The following OXR1 variants were observed in gnomAD, a reference collection of about 807,000 sequenced individuals.
OXR1 encodes oxidation resistance 1.
A neutral mutation model predicts 104.6 loss-of-function variants in OXR1; 41 were observed. The observed-to-expected ratio is 0.39, with a 90% CI of 0.31 to 0.51. The LOEUF (loss-of-function observed/expected upper bound fraction) is 0.51, where lower values mean the gene tolerates loss of function less well. Among genes scored for constraint, OXR1 ranks in the 20% least tolerant of loss-of-function variants. OXR1 has a pLI of 0.77. For synonymous variants in OXR1, 348 were observed against 348.4 expected (o/e 1.00, Z 0.01); for missense variants, 955 against 1,031.9 (o/e 0.93, Z 1.02).
At chr8:106,568,946 G>A (rs1355789117) in intron 3 of OXR1, among the ~76,000 whole-genome samples, 1 of 152,104 alleles carries the variant, frequency 6.6e-6, no homozygotes, top group East Asian at 1.9e-4. Context: ...TATTTCTAAT[G>A]TAAGCATCAG....
At chr8:106,525,420 A>G (rs1813585351) in intron 3 of OXR1, among the ~76,000 whole-genome samples, 1 of 152,192 alleles carries the variant, frequency 6.6e-6, no homozygotes, top group African/African-American at 2.4e-5. Flanking sequence ...TAAACACCAC[A>G]ACGTGCTATC....
chr8:106,740,521 G>A, intron 14 of OXR1, 26 bp downstream of exon 14: 1 of 1,584,692 alleles, frequency 6.3e-7, no homozygotes, highest in South Asian at 1.1e-5. Context: ...TGCATAGATT[G>A]CTTATCCTTT....
chr8:106,601,101 A>G (rs1223864566), intron 3 of OXR1, among the ~76,000 whole-genome samples: 1 of 152,196 alleles, frequency 6.6e-6, no homozygotes, highest in Non-Finnish European at 1.5e-5. Flanking sequence ...AAGCCACTGA[A>G]GGATTTTAAG....
chr8:106,530,106 G>T (rs1813982895), intron 3 of OXR1, among the ~76,000 whole-genome samples: 2 of 152,144 alleles, frequency 1.3e-5, no homozygotes. Context: ...AACATTTATA[G>T]ATAGAACTAA....
chr8:106,553,671 C>A (rs1462076373), intron 3 of OXR1, among the ~76,000 whole-genome samples: 1 of 152,026 alleles, frequency 6.6e-6, no homozygotes, highest in Non-Finnish European at 1.5e-5. Context: ...TTAAAAATCA[C>A]CAAAACATTA....
chr8:106,315,318 A>G (rs1197776091), intron 1 of OXR1, among the ~76,000 whole-genome samples: 6 of 152,188 alleles, frequency 3.9e-5, no homozygotes, highest in African/African-American at 1.4e-4. Context: ...GCACAAAGCT[A>G]TCACATTTTT....
intron 7 of OXR1, chr8:106,697,422 G>A: frequency 6.7e-7 from 1 of 1,485,124 alleles, no homozygotes; most frequent in South Asian, 1.2e-5. Context: ...CCTGGGGTGG[G>A]ATCAAAGGAT....
At chr8:106,539,407 G>T (rs1814785660) in intron 3 of OXR1, among the ~76,000 whole-genome samples, 1 of 152,216 alleles carries the variant, frequency 6.6e-6, no homozygotes, top group Non-Finnish European at 1.5e-5. Flanking sequence ...GGGGAATTGT[G>T]TGTGTCTGTG....
chr8:106,736,423 C>T (rs1038821037), intron 11 of OXR1, among the ~76,000 whole-genome samples: 1 of 152,104 alleles, frequency 6.6e-6, no homozygotes, highest in Non-Finnish European at 1.5e-5. Flanking sequence ...AAATAAAAAG[C>T]CTTTAAAACC....
chr8:106,382,486 G>T (rs1378672181), intron 2 of OXR1, among the ~76,000 whole-genome samples: 7 of 152,044 alleles, frequency 4.6e-5, no homozygotes. Context: ...CATTGATCTA[G>T]AGCTGCTTGT....
At chr8:106,556,871 T>G (rs1385817677) in intron 3 of OXR1, among the ~76,000 whole-genome samples, 1 of 152,190 alleles carries the variant, frequency 6.6e-6, no homozygotes, top group Middle Eastern at 3.2e-3. Flanking sequence ...CTCACTGTGT[T>G]TCCTAACAGC....
intron 1 of OXR1, among the ~76,000 whole-genome samples, chr8:106,312,026 T>A (rs1503558): frequency 0.083 from 12,615 of 151,840 alleles, 607 homozygotes; most frequent in African/African-American, 0.12. Flanking sequence ...CACAGACCTT[T>A]TTTTCACTTG....
In OXR1 at chr8:106,506,790, A is replaced by G. The variant is rs1452920167; in HGVS notation, c.24-12153A>G. The stretch of plus-strand genomic sequence containing the variant: ...AAAATTACAAAATATTTAGAGGTCG[A>G]ATAGAAAATGAGGACTTGGGTCAGG... On this transcript the variant is annotated intron_variant, in intron 2 of 16. Coordinates refer to ENST00000517566, the MANE Select transcript of OXR1 (RefSeq NM_001198533.2). 1.4e-4 allele frequency among the ~76,000 whole-genome samples: 21 copies of G among 152,098 alleles called. 1 individual carries two copies. The highest frequency in any genetic ancestry group is 1.3e-4 in the Non-Finnish European group (9 of 67,998).
chr8:106,418,353 G>T (rs1818763574), intron 2 of OXR1, among the ~76,000 whole-genome samples: 1 of 151,968 alleles, frequency 6.6e-6, no homozygotes, highest in African/African-American at 2.4e-5. Flanking sequence ...CCTCCTTTCT[G>T]TATATTTCAT....
intron 2 of OXR1, among the ~76,000 whole-genome samples, chr8:106,517,138 G>A (rs1812910284): frequency 1.3e-5 from 2 of 152,104 alleles, no homozygotes; most frequent in Middle Eastern, 3.2e-3. Flanking sequence ...GGTACCCAGT[G>A]CCCAGATCAG....
At chr8:106,330,236 A>C (rs1814653620) in intron 1 of OXR1, among the ~76,000 whole-genome samples, 1 of 152,222 alleles carries the variant, frequency 6.6e-6, no homozygotes, top group African/African-American at 2.4e-5. Context: ...ATACTGCTGG[A>C]TGAGGACAAC....
Position 106,684,276 on chromosome 8 carries a change from T to G in OXR1, c.442T>G (p.Ser148Ala), listed in dbSNP as rs1437365018. 6.2e-7 allele frequency: 1 copy of G among 1,603,684 alleles called. No individual in the cohort carries two copies. Among genetic ancestry groups the G allele is most frequent in the Non-Finnish European group, 8.5e-7 (1 of 1,170,776 alleles). ...GTATGTTCCTGATCCTGAATATGTCTCCAGTGTTGAGAGCTCTCCATCTCT... is the reference window on the plus strand; with the variant it reads ...GTATGTTCCTGATCCTGAATATGTCGCCAGTGTTGAGAGCTCTCCATCTCT... ...VLYVPDPEYV[S>A]SVESSPSLSP... is the part of the protein sequence containing the mutation. The change falls in exon 6 of 17, where the codon TCC becomes GCC. Residue 148 changes from serine to alanine, a missense_variant. By Grantham distance (99) the Ser-to-Ala change is moderately conservative. This residue lies in a region of OXR1 where 849 missense variants were observed against 852.9 expected (regional missense o/e 1.00). Transcript: ENST00000517566.
At chr8:106,328,478 A>G (rs568953703) in intron 1 of OXR1, among the ~76,000 whole-genome samples, 4 of 152,336 alleles carry the variant, frequency 2.6e-5, no homozygotes, top group Non-Finnish European at 5.9e-5. Context: ...CCTCTTTTAG[A>G]TTTTAAAATA....
intron 16 of OXR1, among the ~76,000 whole-genome samples, chr8:106,749,209 G>A (rs1410502344): frequency 1.3e-5 from 2 of 151,882 alleles, no homozygotes; most frequent in African/African-American, 2.4e-5. Context: ...CGGGCGTGGT[G>A]GCAGGCACCT....
Sources: gnomAD v4.1 joint callset for allele counts (sites outside exome capture counted in the v4.1 genomes callset) on GRCh38, gnomAD v4.1.1 for gene constraint, gnomAD v4.1.1 regional missense constraint, MANE v1.5 for transcripts, NCBI Gene and HGNC (gene_info 2026-07-23, HGNC 2026-07-21) for gene names.